RNF150: variants seen among roughly 807,000 people sequenced by gnomAD.
RNF150 encodes ring finger protein 150.
A neutral mutation model predicts 39.3 loss-of-function variants in RNF150; 24 were observed. The ratio of observed to expected loss-of-function variants is 0.61; its 90% confidence interval spans 0.44 to 0.86. The LOEUF (loss-of-function observed/expected upper bound fraction) is 0.86. RNF150 is among the 40% of genes least tolerant of loss of function. RNF150 has a pLI of 0.00. For synonymous variants in RNF150, 255 were observed against 227.3 expected, an observed-to-expected ratio of 1.12 and a Z score of -1.10; for missense variants, 502 against 587.8, an observed-to-expected ratio of 0.85 and a Z score of 1.51.
intron 1 of RNF150, among the ~76,000 whole-genome samples, chr4:141,191,188 CT>C (rs1197908255): frequency 3.3e-5 from 5 of 152,226 alleles, no homozygotes; most frequent in Non-Finnish European, 7.3e-5. Flanking sequence ...TAAGTTAGGA[CT>C]GATCCTATCC....
At chr4:140,926,175 C>A in intron 4 of RNF150, 102 bp from the exon 5 acceptor site, 1 of 792,190 alleles carries the variant, frequency 1.3e-6, no homozygotes, top group Non-Finnish European at 2.1e-6. Flanking sequence ...TACTCAGTGG[C>A]AGAGCCAAGA....
chr4:141,207,726 G>A (rs1019925482), intron 1 of RNF150, among the ~76,000 whole-genome samples: 4 of 152,124 alleles, frequency 2.6e-5, no homozygotes, highest in African/African-American at 9.7e-5. Context: ...AAACATTTTG[G>A]GTTGTTTTAA....
intron 1 of RNF150, among the ~76,000 whole-genome samples, chr4:141,070,599 G>C (rs1737656004): frequency 6.6e-6 from 1 of 150,832 alleles, no homozygotes; most frequent in African/African-American, 2.4e-5. Flanking sequence ...GTCAAAAGAA[G>C]ACATTTATGC....
chr4:141,064,936 G>A (rs1399947335), intron 1 of RNF150, among the ~76,000 whole-genome samples: 1 of 152,158 alleles, frequency 6.6e-6, no homozygotes, highest in Admixed American at 6.5e-5. Context: ...CACGATCTCC[G>A]CTCACTGCAA....
At chr4:140,915,131 CATTT>C (rs1412041498) in intron 5 of RNF150, among the ~76,000 whole-genome samples, 1 of 152,088 alleles carries the variant, frequency 6.6e-6, no homozygotes, top group Non-Finnish European at 1.5e-5. Context: ...ATTCCATAGA[CATTT>C]ATTGAGCCCT....
rs184462701 is a variant in RNF150, at chr4:141,043,261, G to A, written c.485-75388C>T. 2.6e-4 allele frequency among the ~76,000 whole-genome samples: 39 copies of A among 152,086 alleles called. 1 individual carries two copies. The highest frequency in any genetic ancestry group is 2.3e-3 in the Admixed American group (35 of 15,236). Reference sequence around the variant, plus strand: ...TTTTCAGACATACAAAATATGGTACGTTTGTGAAGGAGAGGGGTGGGCCAC... The same window carrying A: ...TTTTCAGACATACAAAATATGGTACATTTGTGAAGGAGAGGGGTGGGCCAC... On this transcript the variant is annotated intron_variant, in intron 1 of 6. Coordinates refer to ENST00000515673, the MANE Select transcript of RNF150 (RefSeq NM_020724.2).
At chr4:141,044,973 T>C (rs1253461484) in intron 1 of RNF150, among the ~76,000 whole-genome samples, 2 of 152,232 alleles carry the variant, frequency 1.3e-5, no homozygotes, top group Non-Finnish European at 2.9e-5. Context: ...TGCCAAGGCA[T>C]TGAGCTAAGT....
intron 1 of RNF150, among the ~76,000 whole-genome samples, chr4:141,205,669 C>T (rs1728363076): frequency 6.6e-6 from 1 of 152,076 alleles, no homozygotes; most frequent in South Asian, 2.1e-4. Flanking sequence ...AAAGCTAAAC[C>T]CATATTTTGT....
intron 1 of RNF150, among the ~76,000 whole-genome samples, chr4:141,197,409 T>C (rs1179428343): frequency 6.6e-6 from 1 of 152,206 alleles, no homozygotes; most frequent in East Asian, 1.9e-4. Flanking sequence ...TGGCACTTAA[T>C]GTATTTATTT....
intron 1 of RNF150, among the ~76,000 whole-genome samples, chr4:141,005,464 A>G (rs1299781520): frequency 6.6e-6 from 1 of 152,176 alleles, no homozygotes; most frequent in Non-Finnish European, 1.5e-5. Flanking sequence ...GATATACCCA[A>G]GAGATAGGAG....
chr4:141,200,073 CT>C (rs368920730), intron 1 of RNF150, among the ~76,000 whole-genome samples: 1,847 of 152,182 alleles, frequency 0.012, 16 homozygotes, highest in South Asian at 0.027. Context: ...ACTGATAAGG[CT>C]TAGTTTGGGC....
chr4:141,038,085 T>A (rs1468931326), intron 1 of RNF150, among the ~76,000 whole-genome samples: 1 of 152,198 alleles, frequency 6.6e-6, no homozygotes, highest in East Asian at 1.9e-4. Flanking sequence ...AAATCTGGGA[T>A]ATCAGGTTAG....
At chr4:140,876,906 C>T (rs1208889364) in intron 6 of RNF150, among the ~76,000 whole-genome samples, 2 of 152,214 alleles carry the variant, frequency 1.3e-5, no homozygotes, top group African/African-American at 4.8e-5. Context: ...TTTGCCTTTT[C>T]AATTCCTGTT....
intron 1 of RNF150, among the ~76,000 whole-genome samples, chr4:141,051,766 CT>C (rs201519969): frequency 0.046 from 7,045 of 152,266 alleles, 205 homozygotes; most frequent in East Asian, 0.16. Context: ...ATTTTCCTGT[CT>C]TCTTCTGAGC....
chr4:141,062,677 A>C (rs1737283516), intron 1 of RNF150, among the ~76,000 whole-genome samples: 1 of 152,124 alleles, frequency 6.6e-6, no homozygotes, highest in Non-Finnish European at 1.5e-5. Flanking sequence ...TAATTTTATA[A>C]TTTCAACGTG....
chr4:140,931,169 T>C (rs748419505), intron 4 of RNF150, among the ~76,000 whole-genome samples: 30 of 152,188 alleles, frequency 2.0e-4, no homozygotes, highest in Non-Finnish European at 3.7e-4. Flanking sequence ...TAAACTACCA[T>C]AAATCTTATT....
intron 1 of RNF150, among the ~76,000 whole-genome samples, chr4:141,017,765 T>C (rs1735334956): frequency 6.6e-6 from 1 of 152,340 alleles, no homozygotes; most frequent in African/African-American, 2.4e-5. Context: ...TCTTTTCATA[T>C]TGCTTTCTTT....
At chr4:141,104,053 G>A (rs745994257) in intron 1 of RNF150, among the ~76,000 whole-genome samples, 6 of 152,118 alleles carry the variant, frequency 3.9e-5, no homozygotes, top group South Asian at 2.1e-4. Flanking sequence ...TGTTCTAATC[G>A]GGGATTGTAA....
At chr4:141,110,560 C>A (rs1739353885) in intron 1 of RNF150, among the ~76,000 whole-genome samples, 1 of 141,178 alleles carries the variant, frequency 7.1e-6, no homozygotes, top group Admixed American at 6.7e-5. Flanking sequence ...ACTACAGGTC[C>A]ATGCCACCAC....
Sources: allele counts gnomAD v4.1 joint callset (sites outside exome capture counted in the v4.1 genomes callset), GRCh38; gene constraint gnomAD v4.1.1; transcripts MANE v1.5; gene names NCBI Gene and HGNC (gene_info 2026-07-23, HGNC 2026-07-21).